Variants in PTPRN2 observed in about 807,000 individuals in gnomAD.
PTPRN2 encodes the protein protein tyrosine phosphatase receptor type N2, also known as receptor-type tyrosine-protein phosphatase N2.
A neutral mutation model predicts 118.8 loss-of-function variants in PTPRN2; 74 were observed. The observed-to-expected ratio is 0.62, with a 90% CI of 0.52 to 0.76. The LOEUF (loss-of-function observed/expected upper bound fraction) is 0.76. PTPRN2 is among the 30% of genes least tolerant of loss of function. PTPRN2 has a pLI of 0.00. For synonymous variants in PTPRN2, 641 were observed against 608.0 expected (o/e 1.05, Z -0.80); for missense variants, 1,481 against 1,394.4 (o/e 1.06, Z -0.99).
At position 158,341,896 on chromosome 7, in the gene PTPRN2, A is replaced by C. The variant is rs1247625825; in HGVS notation, c.164-24964T>G. Among the ~76,000 whole-genome samples, 28 of 114,324 alleles carry C rather than the reference A, an allele frequency of 2.4e-4. 2 individuals carry two copies. Among genetic ancestry groups the C allele is most frequent in the African/African-American group, 8.7e-4 (25 of 28,800 alleles). 75.0% of individuals were successfully genotyped at this position (114,324 alleles called of 152,430 possible). A position where few individuals can be genotyped will look rare whatever the true frequency, so the allele number is the denominator to read the frequency against. On this transcript the variant is annotated intron_variant, in intron 2 of 22. Coordinates refer to ENST00000389418, the MANE Select transcript of PTPRN2 (RefSeq NM_002847.5). ...GGCGTCACTCACACCCACACTCACC[A>C]TATGAGCTGACACCTGCAGACGTCA... is the stretch of plus-strand genomic sequence containing the variant.
intron 21 of PTPRN2, among the ~76,000 whole-genome samples, chr7:157,551,215 A>G (rs1436695184): frequency 6.6e-6 from 1 of 152,132 alleles, no homozygotes; most frequent in Non-Finnish European, 1.5e-5. Flanking sequence ...TGCTTGAGCC[A>G]AAACAACTCA....
At chr7:158,557,868 C>T (rs984856745) in intron 1 of PTPRN2, among the ~76,000 whole-genome samples, 5 of 152,172 alleles carry the variant, frequency 3.3e-5, no homozygotes, top group African/African-American at 2.4e-5. Context: ...TGAGGCACCT[C>T]GCCCTCTTCC....
At chr7:158,317,723 G>A (rs1332051151) in intron 2 of PTPRN2, among the ~76,000 whole-genome samples, 6 of 152,312 alleles carry the variant, frequency 3.9e-5, no homozygotes, top group African/African-American at 9.6e-5. Context: ...CGGGCGGGGC[G>A]GAAGGGGAAA....
In PTPRN2 at chr7:158,529,908, C is replaced by T. The variant is rs1563401613; in HGVS notation, c.113-40123G>A. On this transcript the variant is annotated intron_variant, in intron 1 of 22. Coordinates refer to ENST00000389418, the MANE Select transcript of PTPRN2 (RefSeq NM_002847.5). The surrounding 1 kb of genome is among the most constrained non-coding windows in gnomAD (Gnocchi z 4.7). The stretch of plus-strand genomic sequence containing the variant: ...CACCACACACGTGCCACACACAGCA[C>T]ACATATGCACGCTACCACACACATG... 6.6e-6 allele frequency among the ~76,000 whole-genome samples: 1 copy of T among 152,122 alleles called. No homozygotes were observed. The highest frequency in any genetic ancestry group is 2.4e-5 in the African/African-American group (1 of 41,424).
At position 157,986,058 on chromosome 7, in the gene PTPRN2, T is replaced by G. The variant is rs117374992; in HGVS notation, c.1724-87321A>C. Among the ~76,000 whole-genome samples the G allele has an allele frequency of 1.8e-3, 279 of 152,300 alleles. 11 individuals are homozygous for G. The East Asian group carries it at 0.046, about 25-fold the overall frequency. ...GAGAAAGGCCAGAACACAAACACAC[T>G]TCCTGCTTCCAGATGGATGGAGGTG... On this transcript the variant is annotated intron_variant, in intron 11 of 22. Coordinates refer to ENST00000389418, the MANE Select transcript of PTPRN2 (RefSeq NM_002847.5). The surrounding 1 kb of genome is among the most constrained non-coding windows in gnomAD (Gnocchi z 4.5).
chr7:157,942,297 G>A (rs77925279), intron 11 of PTPRN2, among the ~76,000 whole-genome samples: 17,124 of 151,946 alleles, frequency 0.11, 1,009 homozygotes, highest in East Asian at 0.17. Context: ...GCCCCTGGCC[G>A]CTCCCAGCTC....
intron 6 of PTPRN2, among the ~76,000 whole-genome samples, chr7:158,157,846 C>CCTCA (rs558669371): frequency 1.0e-3 from 158 of 152,320 alleles, no homozygotes; most frequent in African/African-American, 3.8e-3. Context: ...GGAAGAAAGG[C>CCTCA]CTCAGGCAGT....
chr7:157,840,363 GCCGCGTGTGACTGTGTGA>G lies in PTPRN2; in HGVS notation c.1788+58292_1788+58309del, dbSNP rs1563160547. 5.1e-3 allele frequency among the ~76,000 whole-genome samples: 632 copies of G among 124,378 alleles called. 7 individuals carry two copies. The highest frequency in any genetic ancestry group is 0.019 in the Middle Eastern group (3 of 160). 81.6% of individuals were successfully genotyped at this position (124,378 alleles called of 152,430 possible). A position where few individuals can be genotyped will look rare whatever the true frequency, so the allele number is the denominator to read the frequency against. ...ACGTGTGGCCGCGTGTGACTGTGTG[GCCGCGTGTGACTGTGTGA>G]CCGCGTGTGACTGTGTGACCGTGTG... On this transcript the variant is annotated intron_variant, in intron 12 of 22. Coordinates refer to ENST00000389418, the MANE Select transcript of PTPRN2 (RefSeq NM_002847.5).
At chr7:158,235,662 A>G (rs1478356499) in intron 3 of PTPRN2, among the ~76,000 whole-genome samples, 1 of 152,194 alleles carries the variant, frequency 6.6e-6, no homozygotes, top group Non-Finnish European at 1.5e-5. Context: ...AATAAAACCT[A>G]GTGTTTGATA....
At chr7:157,985,932 C>T (rs943576449) in intron 11 of PTPRN2, among the ~76,000 whole-genome samples, 1 of 152,160 alleles carries the variant, frequency 6.6e-6, no homozygotes, top group Non-Finnish European at 1.5e-5. Flanking sequence ...GACAGCCCAC[C>T]TGGCTGACGA....
chr7:158,548,946 T>C (rs969595694), intron 1 of PTPRN2, among the ~76,000 whole-genome samples: 2 of 152,204 alleles, frequency 1.3e-5, no homozygotes, highest in African/African-American at 4.8e-5. Flanking sequence ...CATCTCCTCC[T>C]TGGCAAGACC....
At chr7:157,556,216 T>C (rs556442735) in intron 21 of PTPRN2, among the ~76,000 whole-genome samples, 1 of 152,220 alleles carries the variant, frequency 6.6e-6, no homozygotes, top group African/African-American at 2.4e-5. Flanking sequence ...TACATGTACA[T>C]GGGTACACAG....
intron 12 of PTPRN2, among the ~76,000 whole-genome samples, chr7:157,692,440 G>A (rs1305699603): frequency 1.3e-5 from 2 of 152,228 alleles, no homozygotes; most frequent in African/African-American, 4.8e-5. Flanking sequence ...ACCTGGGGGC[G>A]AGCCCCAGGG....
chr7:158,244,946 G>A lies in PTPRN2; in HGVS notation c.278-39673C>T, dbSNP rs145927306. Among the ~76,000 whole-genome samples, 252 of 152,352 alleles carry A rather than the reference G, an allele frequency of 1.7e-3. 1 individual carries two copies. The highest frequency in any genetic ancestry group is 5.7e-3 in the African/African-American group (239 of 41,590). On this transcript the variant is annotated intron_variant, in intron 3 of 22. Coordinates refer to ENST00000389418, the MANE Select transcript of PTPRN2 (RefSeq NM_002847.5). ...GTGCCCCGGGGTGGGGGCCGTGGGA[G>A]AAGCGACAGGCCTGAGCGAGGCCAG...
chr7:157,883,968 C>A (rs1461941714), intron 12 of PTPRN2, among the ~76,000 whole-genome samples: 1 of 151,984 alleles, frequency 6.6e-6, no homozygotes, highest in Non-Finnish European at 1.5e-5. Context: ...AAATGACTGT[C>A]AGAAACCAGA....
chr7:157,881,383 C>T lies in PTPRN2; in HGVS notation c.1788+17290G>A, dbSNP rs113005459. 7.0e-3 allele frequency among the ~76,000 whole-genome samples: 1,070 copies of T among 152,156 alleles called. 13 individuals carry two copies. The highest frequency in any genetic ancestry group is 0.024 in the African/African-American group (1,000 of 41,492). On this transcript the variant is annotated intron_variant, in intron 12 of 22. Transcript: ENST00000389418. This position sits in a 1 kb window ranked among gnomAD's most constrained non-coding sequence, Gnocchi z 4.7. The stretch of plus-strand genomic sequence containing the variant: ...ACAGGTGCACACAGAGGGGTGAGGA[C>T]TTGAGGATGCAGAGACGGCATCTGA...
At chr7:158,340,679 C>T (rs1256813513) in intron 2 of PTPRN2, among the ~76,000 whole-genome samples, 1 of 96,428 alleles carries the variant, frequency 1.0e-5, no homozygotes, top group African/African-American at 3.8e-5. Flanking sequence ...CACCCACACT[C>T]TCACCATAAG....
chr7:157,597,623 C>T (rs1267512881), intron 16 of PTPRN2, among the ~76,000 whole-genome samples: 1 of 152,112 alleles, frequency 6.6e-6, no homozygotes, highest in Admixed American at 6.6e-5. Context: ...GCAGGAGGGT[C>T]GATAAGGTGA....
intron 17 of PTPRN2, among the ~76,000 whole-genome samples, chr7:157,589,369 C>T (rs1429807658): frequency 6.6e-6 from 1 of 152,244 alleles, no homozygotes; most frequent in Non-Finnish European, 1.5e-5. Context: ...CGAATGTCCC[C>T]TCCAATGGGT....
Sources: gnomAD v4.1 joint callset for allele counts (sites outside exome capture counted in the v4.1 genomes callset) on GRCh38, gnomAD v4.1.1 for gene constraint, Gnocchi (gnomAD v3.1) non-coding constraint, MANE v1.5 for transcripts, NCBI Gene and HGNC (gene_info 2026-07-23, HGNC 2026-07-21) for gene names.